FHIT: variants seen among roughly 807,000 people sequenced by gnomAD.
FHIT encodes the protein bis(5'-adenosyl)-triphosphatase.
A neutral mutation model predicts 17.9 loss-of-function variants in FHIT; 19 were observed. The observed-to-expected ratio is 1.06, with a 90% CI of 0.74 to 1.56. The LOEUF (loss-of-function observed/expected upper bound fraction) is 1.56. Ranked by LOEUF, FHIT falls within the 40% of genes most tolerant of loss-of-function variation. The pLI is 0.00. For synonymous variants in FHIT, 81 were observed against 69.7 expected, an observed-to-expected ratio of 1.16 and a Z score of -0.81; for missense variants, 248 against 189.2, an observed-to-expected ratio of 1.31 and a Z score of -1.82.
intron 2 of FHIT, among the ~76,000 whole-genome samples, chr3:61,166,002 G>T (rs146388901): frequency 5.1e-4 from 77 of 152,232 alleles, no homozygotes; most frequent in Non-Finnish European, 8.4e-4. Context: ...TGGAACCCAG[G>T]GTTGGAAGAA....
intron 3 of FHIT, among the ~76,000 whole-genome samples, chr3:60,842,495 G>A (rs112692904): frequency 0.013 from 1,913 of 151,152 alleles, 22 homozygotes; most frequent in Middle Eastern, 0.021. Flanking sequence ...AGGCTTCTTC[G>A]CAAGGTATAT....
chr3:60,923,040 T>C (rs535308454), intron 3 of FHIT, among the ~76,000 whole-genome samples: 22 of 152,230 alleles, frequency 1.4e-4, no homozygotes, highest in Non-Finnish European at 2.5e-4. Flanking sequence ...TTAGCTCAGC[T>C]CAACTAGTGT....
chr3:61,181,395 A>G (rs1028523725), intron 2 of FHIT, among the ~76,000 whole-genome samples: 1 of 152,192 alleles, frequency 6.6e-6, no homozygotes, highest in African/African-American at 2.4e-5. Context: ...TGTATTTAGG[A>G]AAAGACAATA....
At chr3:59,865,895 G>A (rs983154905) in intron 8 of FHIT, among the ~76,000 whole-genome samples, 1 of 152,180 alleles carries the variant, frequency 6.6e-6, no homozygotes. Flanking sequence ...GGGAGAGAGA[G>A]CATCAAAGTG....
At chr3:59,959,558 A>G (rs1707567329) in intron 7 of FHIT, among the ~76,000 whole-genome samples, 1 of 152,190 alleles carries the variant, frequency 6.6e-6, no homozygotes, top group South Asian at 2.1e-4. Flanking sequence ...CGGGTTATTC[A>G]TTCATTCATC....
chr3:60,855,014 G>C, intron 3 of FHIT, among the ~76,000 whole-genome samples: 1 of 152,108 alleles, frequency 6.6e-6, no homozygotes, highest in Admixed American at 6.6e-5. Flanking sequence ...CAGGGAACTA[G>C]GGAGTCAGTC....
At chr3:59,977,914 CTTTG>C (rs1708485552) in intron 7 of FHIT, among the ~76,000 whole-genome samples, 1 of 152,078 alleles carries the variant, frequency 6.6e-6, no homozygotes, top group African/African-American at 2.4e-5. Flanking sequence ...ATTTCTCATG[CTTTG>C]TTTTAGTATC....
chr3:60,042,176 C>A (rs1701468242), intron 5 of FHIT, among the ~76,000 whole-genome samples: 1 of 152,186 alleles, frequency 6.6e-6, no homozygotes, highest in Non-Finnish European at 1.5e-5. Flanking sequence ...CAGGAAAAGG[C>A]ATTAGAAATT....
chr3:59,900,464 C>T (rs1373242259), intron 8 of FHIT, among the ~76,000 whole-genome samples: 1 of 152,198 alleles, frequency 6.6e-6, no homozygotes, highest in Non-Finnish European at 1.5e-5. Flanking sequence ...AATACCTCTC[C>T]TTCCCTTGTG....
In FHIT at chr3:60,863,300, G is replaced by C. The variant is rs534382828; in HGVS notation, c.-110-41289C>G. Among the ~76,000 whole-genome samples the C allele has an allele frequency of 3.3e-5, 5 of 152,266 alleles. No individual in the cohort carries two copies. In the South Asian group the frequency reaches 1.0e-3, roughly 32 times the overall value. On this transcript the variant is annotated intron_variant, in intron 3 of 9. Transcript: ENST00000492590. ...TCTGTCAATAACCTGAACGAGTTTGGAAGTTGGTTTTTCTGCAGTCTCCAG... is the reference window on the plus strand; with the variant it reads ...TCTGTCAATAACCTGAACGAGTTTGCAAGTTGGTTTTTCTGCAGTCTCCAG...
At chr3:59,989,562 T>C (rs927762785) in intron 7 of FHIT, among the ~76,000 whole-genome samples, 5 of 152,042 alleles carry the variant, frequency 3.3e-5, no homozygotes, top group African/African-American at 1.2e-4. Flanking sequence ...GTCTGAGATA[T>C]AAAACACAGT....
At chr3:60,606,484 G>C (rs1553671288) in intron 4 of FHIT, among the ~76,000 whole-genome samples, 2 of 152,090 alleles carry the variant, frequency 1.3e-5, no homozygotes, top group Admixed American at 6.5e-5. Context: ...CAGGCAATCT[G>C]CCCGCCTCAG....
chr3:60,798,104 C>G (rs1701050885), intron 4 of FHIT, among the ~76,000 whole-genome samples: 1 of 152,164 alleles, frequency 6.6e-6, no homozygotes, highest in Admixed American at 6.5e-5. Flanking sequence ...TTCTCTGTCA[C>G]TGCCCTAGCA....
At chr3:59,765,271 T>C (rs1048983556) in intron 8 of FHIT, among the ~76,000 whole-genome samples, 1 of 152,234 alleles carries the variant, frequency 6.6e-6, no homozygotes, top group Admixed American at 6.5e-5. Flanking sequence ...AATAACTAAT[T>C]ATAATTTCAG....
chr3:60,321,109 A>G (rs751526412), intron 5 of FHIT, among the ~76,000 whole-genome samples: 3 of 151,984 alleles, frequency 2.0e-5, no homozygotes, highest in Non-Finnish European at 2.9e-5. Context: ...GGACTCCCCA[A>G]CTCTAAGCAA....
intron 8 of FHIT, among the ~76,000 whole-genome samples, chr3:59,841,800 T>C (rs917021447): frequency 6.6e-6 from 1 of 152,234 alleles, no homozygotes; most frequent in Non-Finnish European, 1.5e-5. Flanking sequence ...AGAAAACCAA[T>C]CGTGCATTGA....
In FHIT at chr3:60,570,357, T is replaced by C. The variant is rs184757950; in HGVS notation, c.-17-33378A>G. ...GCAACTTTTATAATCGGGACTAAAA[T>C]AGCAATTTTTTTACTCGTTGGTAAT... is the stretch of plus-strand genomic sequence containing the variant. On this transcript the variant is annotated intron_variant, in intron 4 of 9. Transcript: ENST00000492590. Among the ~76,000 whole-genome samples the C allele has an allele frequency of 2.6e-5, 4 of 152,240 alleles. No individual in the cohort carries two copies. The East Asian group carries it at 7.7e-4, about 29-fold the overall frequency.
At chr3:60,402,756 T>C (rs928227736) in intron 5 of FHIT, among the ~76,000 whole-genome samples, 3 of 152,108 alleles carry the variant, frequency 2.0e-5, no homozygotes, top group Admixed American at 6.5e-5. Context: ...TGAAACACAA[T>C]AGAATTTTAG....
At chr3:60,473,544 C>G (rs1471580244) in intron 5 of FHIT, among the ~76,000 whole-genome samples, 1 of 152,078 alleles carries the variant, frequency 6.6e-6, no homozygotes, top group Non-Finnish European at 1.5e-5. Context: ...GGCCATTAAC[C>G]AATAGGGCTA....
Sources: gnomAD v4.1 joint callset for allele counts (sites outside exome capture counted in the v4.1 genomes callset) on GRCh38, gnomAD v4.1.1 for gene constraint, MANE v1.5 for transcripts, NCBI Gene and HGNC (gene_info 2026-07-23, HGNC 2026-07-21) for gene names.